The following OR9Q1 variants were observed in gnomAD, a reference collection of about 807,000 sequenced individuals.
OR9Q1 encodes olfactory receptor 9Q1.
For missense variants in OR9Q1, 374 were observed against 378.8 expected (o/e 0.99, Z 0.11); for synonymous variants, 153 against 148.6 (o/e 1.03, Z -0.22).
intron 2 of OR9Q1, 74 bp from the exon 3 acceptor site, chr11:58,179,357 A>T: frequency 1.0e-6 from 1 of 955,554 alleles, no homozygotes; most frequent in South Asian, 1.7e-5. Flanking sequence ...TACATTTTCA[A>T]TAAATGTGAA....
intron 2 of OR9Q1, among the ~76,000 whole-genome samples, chr11:58,139,715 G>C (rs1854225652): frequency 6.6e-6 from 1 of 151,992 alleles, no homozygotes. Flanking sequence ...CCAAGTCTTT[G>C]CTATTGTGAA....
intron 2 of OR9Q1, among the ~76,000 whole-genome samples, chr11:58,155,048 CCTAT>C (rs1317588210): frequency 1.3e-5 from 2 of 152,198 alleles, no homozygotes; most frequent in Non-Finnish European, 2.9e-5. Flanking sequence ...TACCTGTCTA[CCTAT>C]CTATCTAGAT....
chr11:58,086,077 C>A (rs1853631081), intron 2 of OR9Q1, among the ~76,000 whole-genome samples: 1 of 151,898 alleles, frequency 6.6e-6, no homozygotes, highest in African/African-American at 2.4e-5. Flanking sequence ...AGACAGACAA[C>A]ACACAGACTG....
At chr11:58,123,463 G>A (rs576179786) in intron 2 of OR9Q1, among the ~76,000 whole-genome samples, 2 of 152,286 alleles carry the variant, frequency 1.3e-5, no homozygotes, top group South Asian at 2.1e-4. Flanking sequence ...CCAGAGATTA[G>A]GTGGCAGATT....
intron 2 of OR9Q1, among the ~76,000 whole-genome samples, chr11:58,135,797 A>G (rs1489788491): frequency 6.6e-6 from 1 of 152,208 alleles, no homozygotes; most frequent in Non-Finnish European, 1.5e-5. Context: ...TTTGAGCTAT[A>G]TAAATATTCT....
chr11:58,027,361 T>TGTGA (rs1266691956), intron 1 of OR9Q1, among the ~76,000 whole-genome samples: 1 of 152,120 alleles, frequency 6.6e-6, no homozygotes, highest in East Asian at 1.9e-4. Flanking sequence ...AACAGTCCTG[T>TGTGA]GTGAGTCTAG....
chr11:58,067,157 G>A (rs535447257), intron 2 of OR9Q1, among the ~76,000 whole-genome samples: 6 of 151,536 alleles, frequency 4.0e-5, no homozygotes, highest in Non-Finnish European at 8.8e-5. Context: ...TCAGCCTCCC[G>A]AGTAGCTGGG....
intron 2 of OR9Q1, among the ~76,000 whole-genome samples, chr11:58,073,963 C>T (rs1184755207): frequency 6.6e-6 from 1 of 152,166 alleles, no homozygotes; most frequent in Admixed American, 6.6e-5. Flanking sequence ...TCATCCATGT[C>T]CTCGCAAAGG....
chr11:58,091,711 G>A (rs1030103887), intron 2 of OR9Q1, among the ~76,000 whole-genome samples: 1 of 152,016 alleles, frequency 6.6e-6, no homozygotes, highest in African/African-American at 2.4e-5. Flanking sequence ...TTAATTTTCT[G>A]TCTTATTGAT....
At chr11:58,070,257 C>A (rs1853474336) in intron 2 of OR9Q1, among the ~76,000 whole-genome samples, 2 of 151,840 alleles carry the variant, frequency 1.3e-5, no homozygotes, top group South Asian at 4.2e-4. Flanking sequence ...CTCAAGTGAT[C>A]TGCTCGCCTT....
intron 2 of OR9Q1, among the ~76,000 whole-genome samples, chr11:58,068,350 AG>A (rs996232758): frequency 2.6e-5 from 4 of 151,408 alleles, no homozygotes; most frequent in Non-Finnish European, 5.9e-5. Flanking sequence ...TGTCTCAAAA[AG>A]AAAAAAAAAA....
In OR9Q1 at chr11:58,179,638, A is replaced by G. The variant is rs1279390526; in HGVS notation, c.194A>G (p.His65Arg). 1 of 1,612,678 alleles carries G rather than the reference A, an allele frequency of 6.2e-7. No homozygotes were observed. The highest frequency in any genetic ancestry group is 8.5e-7 in the Non-Finnish European group (1 of 1,179,186). The change falls in exon 3 of 3, where the codon CAC (histidine) becomes CGC (arginine). Residue 65 changes from histidine (H) to arginine (R), a missense_variant. Transcript: ENST00000335397. ...LHAPMYFLLS[H>R]LAFMDVCYSS... ...GCTCCAATGTATTTCCTTCTGAGTC[A>G]CCTCGCTTTCATGGACGTCTGCTAC...
At chr11:58,066,110 C>A in intron 2 of OR9Q1, among the ~76,000 whole-genome samples, 1 of 151,404 alleles carries the variant, frequency 6.6e-6, no homozygotes, top group Non-Finnish European at 1.5e-5. Flanking sequence ...CTCCCTCCCT[C>A]CCTCCTTCTC....
chr11:58,170,350 A>T (rs1283157234), intron 2 of OR9Q1, among the ~76,000 whole-genome samples: 2 of 151,988 alleles, frequency 1.3e-5, no homozygotes, highest in Non-Finnish European at 2.9e-5. Context: ...GGAAGAAAAC[A>T]ACTCTTTATC....
At chr11:58,115,474 C>G (rs529287693) in intron 2 of OR9Q1, among the ~76,000 whole-genome samples, 1 of 152,232 alleles carries the variant, frequency 6.6e-6, no homozygotes, top group African/African-American at 2.4e-5. Context: ...TATATCAAAG[C>G]ATGATGTTGT....
chr11:58,118,491 T>A, intron 2 of OR9Q1: 1 of 1,551,804 alleles, frequency 6.4e-7, no homozygotes, highest in East Asian at 2.2e-5. Context: ...GAATTCCTCT[T>A]ACTTAGATCT....
chr11:58,145,247 A>G (rs1854289425), intron 2 of OR9Q1: 1 of 152,284 alleles, frequency 6.6e-6, no homozygotes, highest in Admixed American at 6.5e-5. Context: ...GAACACTCAT[A>G]TTCATATACC....
intron 1 of OR9Q1, among the ~76,000 whole-genome samples, chr11:58,053,704 A>T (rs566731513): frequency 1.4e-3 from 201 of 139,144 alleles, no homozygotes; most frequent in African/African-American, 5.0e-3. Flanking sequence ...AGTAAAGCGG[A>T]TATAAACTAA....
In OR9Q1 at chr11:58,179,687, G is replaced by A; in HGVS notation, c.243G>A (p.Met81Ile). ...VCYSSITVPQ[M>I]LAVLLEHGAA... ...ACTCATCTATCACTGTCCCCCAGAT[G>A]CTGGCAGTGCTGCTGGAGCATGGGG... The change falls in exon 3 of 3, where the codon ATG (methionine) becomes ATA (isoleucine). Residue 81 changes from methionine to isoleucine, a missense_variant. Met to Ile is a conservative substitution (Grantham distance 10). Coordinates refer to ENST00000335397, the MANE Select transcript of OR9Q1 (RefSeq NM_001005212.4). 1 of 1,614,118 alleles carries A rather than the reference G, an allele frequency of 6.2e-7. No individual in the cohort carries two copies. The highest frequency in any genetic ancestry group is 2.2e-5 in the East Asian group (1 of 44,870).
Sources: allele counts gnomAD v4.1 joint callset (sites outside exome capture counted in the v4.1 genomes callset), GRCh38; gene constraint gnomAD v4.1.1; transcripts MANE v1.5; gene names NCBI Gene and HGNC (gene_info 2026-07-23, HGNC 2026-07-21).